The following ARHGEF18 variants were observed in gnomAD, a reference collection of about 807,000 sequenced individuals.
ARHGEF18 encodes rho guanine nucleotide exchange factor 18.
In ARHGEF18, 93 loss-of-function variants were observed where a neutral mutation model predicts 155.7. That is an observed-to-expected ratio of 0.60 (90% CI 0.50 to 0.71). The LOEUF (loss-of-function observed/expected upper bound fraction) is 0.71. Among genes scored for constraint, ARHGEF18 ranks in the 30% least tolerant of loss-of-function variants. The pLI is 0.00. For synonymous variants in ARHGEF18, 742 were observed against 753.1 expected (o/e 0.99, Z 0.24); for missense variants, 1,593 against 1,816.1 (o/e 0.88, Z 2.23).
In ARHGEF18 at chr19:7,468,875, C is replaced by T. The variant is rs1439871043; in HGVS notation, c.3531C>T (p.Gly1177=). 1 of 1,575,492 alleles carries T rather than the reference C, an allele frequency of 6.3e-7. No individual in the cohort carries two copies. The highest frequency in any genetic ancestry group is 8.6e-7 in the Non-Finnish European group (1 of 1,160,236). The change falls in exon 27 of 29, where the codon GGC becomes GGT. Residue 1177 remains glycine, a synonymous_variant. Coordinates refer to ENST00000668164, the MANE Select transcript of ARHGEF18 (RefSeq NM_001367823.1). Reference sequence around the variant, plus strand: ...GCTTCAACGGGGAAGGGCTGGAGGGCCCTCGTGTGAGCATGCTGCCATCCG... The same window carrying T: ...GCTTCAACGGGGAAGGGCTGGAGGGTCCTCGTGTGAGCATGCTGCCATCCG... The part of the protein sequence containing the change: ...PPSFNGEGLE[G]PRVSMLPSGV...
At chr19:7,458,881 G>A (rs1202555535) in intron 19 of ARHGEF18, among the ~76,000 whole-genome samples, 191 bp downstream of exon 19, 1 of 152,212 alleles carries the variant, frequency 6.6e-6, no homozygotes, top group African/African-American at 2.4e-5. Flanking sequence ...CAGAAAGGCA[G>A]CTGTAACCTG....
At chr19:7,420,224 G>A (rs1336851780) in intron 10 of ARHGEF18, among the ~76,000 whole-genome samples, 1 of 152,110 alleles carries the variant, frequency 6.6e-6, no homozygotes, top group African/African-American at 2.4e-5. Flanking sequence ...AAGTACAGGT[G>A]GGACTGGGGC....
rs1190849699 is a variant in ARHGEF18, at chr19:7,395,980, C to T, written c.967+12777C>T. 2.6e-5 allele frequency among the ~76,000 whole-genome samples: 4 copies of T among 152,088 alleles called. No individual in the cohort carries two copies. The highest frequency in any genetic ancestry group is 9.7e-5 in the African/African-American group (4 of 41,424). ...GAGCATAGTACTCAATAGATAGTTT[C>T]AACCCTTGACCTCCTCCTTCCCTTC... On this transcript the variant is annotated intron_variant, in intron 10 of 28. Coordinates refer to ENST00000668164, the MANE Select transcript of ARHGEF18 (RefSeq NM_001367823.1). The surrounding 1 kb of genome is among the most constrained non-coding windows in gnomAD (Gnocchi z 5.0).
chr19:7,363,370 T>C (rs112713342), intron 2 of ARHGEF18, among the ~76,000 whole-genome samples: 1,598 of 151,182 alleles, frequency 0.011, 15 homozygotes, highest in Non-Finnish European at 0.016. Flanking sequence ...GAAAGCTAGA[T>C]GGATAGATGG....
chr19:7,434,302 G>A (rs532315648), intron 10 of ARHGEF18, among the ~76,000 whole-genome samples: 17 of 152,164 alleles, frequency 1.1e-4, no homozygotes, highest in Non-Finnish European at 2.5e-4. Context: ...GACTACTCTT[G>A]AATTCATGAA....
At chr19:7,453,762 A>G in intron 17 of ARHGEF18, 47 bp downstream of exon 17, 1 of 1,505,996 alleles carries the variant, frequency 6.6e-7, no homozygotes. Flanking sequence ...ATCTTGGATC[A>G]GTGGGCACTG....
At chr19:7,426,465 C>A (rs1200893629) in intron 10 of ARHGEF18, among the ~76,000 whole-genome samples, 1 of 136,884 alleles carries the variant, frequency 7.3e-6, no homozygotes, top group African/African-American at 2.8e-5. Context: ...CCAGCCTGGG[C>A]GACAAAGTGA....
At position 7,467,066 on chromosome 19, in the gene ARHGEF18, C is replaced by T. The variant is rs1243753122; in HGVS notation, c.2962-5C>T. Reference sequence around the variant, plus strand: ...CTAGCATCAATCTCCCTCTCCTCTCCGCAGCTTGTCCAGCGGATCCAGACA... The same window carrying T: ...CTAGCATCAATCTCCCTCTCCTCTCTGCAGCTTGTCCAGCGGATCCAGACA... On this transcript the variant is annotated splice_polypyrimidine_tract_variant and splice_region_variant and intron_variant, in intron 24 of 28. Transcript: ENST00000668164. 1.9e-6 allele frequency: 3 copies of T among 1,609,216 alleles called. No individual in the cohort carries two copies. Among genetic ancestry groups the T allele is most frequent in the African/African-American group, 2.7e-5 (2 of 74,866 alleles).
chr19:7,375,978 C>G, intron 4 of ARHGEF18, 108 bp downstream of exon 4: 1 of 1,182,134 alleles, frequency 8.5e-7, no homozygotes, highest in Non-Finnish European at 1.1e-6. Context: ...GCTTACCCAC[C>G]ATGGCAGGGT....
At chr19:7,374,867 G>A (rs573437336) in intron 3 of ARHGEF18, among the ~76,000 whole-genome samples, 5 of 152,258 alleles carry the variant, frequency 3.3e-5, no homozygotes, top group East Asian at 3.9e-4. Context: ...TGATCAGAAC[G>A]GAAATGTGTG....
intron 2 of ARHGEF18, among the ~76,000 whole-genome samples, chr19:7,367,975 G>A (rs1221611780): frequency 6.0e-5 from 1 of 16,554 alleles, no homozygotes; most frequent in Non-Finnish European, 1.6e-4. Flanking sequence ...AGAAAGGAAA[G>A]AAAGAGAGAG....
At chr19:7,422,141 G>T (rs115590154) in intron 10 of ARHGEF18, among the ~76,000 whole-genome samples, 1 of 151,990 alleles carries the variant, frequency 6.6e-6, no homozygotes, top group East Asian at 1.9e-4. Flanking sequence ...CTCTGTCCCC[G>T]TCTAATCATT....
intron 10 of ARHGEF18, among the ~76,000 whole-genome samples, chr19:7,433,068 G>A (rs971028770): frequency 2.6e-5 from 4 of 152,126 alleles, no homozygotes; most frequent in African/African-American, 9.7e-5. Context: ...GGCTGAGGCT[G>A]GAGGATCCCT....
intron 10 of ARHGEF18, among the ~76,000 whole-genome samples, chr19:7,420,128 A>G (rs1176490776): frequency 6.6e-6 from 1 of 152,176 alleles, no homozygotes; most frequent in East Asian, 1.9e-4. Flanking sequence ...AGCTCTCTCT[A>G]TATATTTTAG....
At chr19:7,478,208 A>T in the ARHGEF18 span, 1 of 1,240,598 alleles carries the variant, frequency 8.1e-7, no homozygotes, top group Non-Finnish European at 1.1e-6. Flanking sequence ...CCATGACCTG[A>T]GCACAACAGT....
chr19:7,359,352 T>C (rs1294239609), intron 1 of ARHGEF18, among the ~76,000 whole-genome samples: 2 of 152,156 alleles, frequency 1.3e-5, no homozygotes, highest in Non-Finnish European at 2.9e-5. Context: ...GGTTGGTAAT[T>C]GACAGAGCTC....
intron 10 of ARHGEF18, among the ~76,000 whole-genome samples, chr19:7,419,221 C>G (rs1973197999): frequency 6.7e-6 from 1 of 148,702 alleles, no homozygotes; most frequent in Non-Finnish European, 1.5e-5. Flanking sequence ...TGTACCCACA[C>G]TCGGCCTCTG....
Position 7,444,672 on chromosome 19 carries a change from G to A in ARHGEF18, c.1611+218G>A, listed in dbSNP as rs1235360445. On this transcript the variant is annotated intron_variant, in intron 14 of 28. Coordinates refer to ENST00000668164, the MANE Select transcript of ARHGEF18 (RefSeq NM_001367823.1). The surrounding 1 kb of genome is among the most constrained non-coding windows in gnomAD (Gnocchi z 4.7). ...ACTACAGCTATGCGCCACCATACCCGGCTAAATTTTATTTTTTGTAGAGAT... is the reference window on the plus strand; with the variant it reads ...ACTACAGCTATGCGCCACCATACCCAGCTAAATTTTATTTTTTGTAGAGAT... 3.3e-5 allele frequency among the ~76,000 whole-genome samples: 5 copies of A among 152,006 alleles called. No homozygotes were observed. The highest frequency in any genetic ancestry group is 5.9e-5 in the Non-Finnish European group (4 of 68,010).
rs988285954 is a variant in ARHGEF18 at position 7,471,596 on chromosome 19, G to A, written c.*1298G>A. Reference sequence around the variant, plus strand: ...GTCCTGGGAACTGCAGATCCCGGGGGGATTCAGCCCTTCTCCCACTGTGCT... The same window carrying A: ...GTCCTGGGAACTGCAGATCCCGGGGAGATTCAGCCCTTCTCCCACTGTGCT... On this transcript the variant is annotated 3_prime_UTR_variant, in exon 29 of 29. Transcript: ENST00000668164. The surrounding 1 kb of genome is among the most constrained non-coding windows in gnomAD (Gnocchi z 4.4). 2 of 152,304 alleles carry A rather than the reference G, an allele frequency of 1.3e-5. No individual in the cohort carries two copies. Among genetic ancestry groups the A allele is most frequent in the Non-Finnish European group, 2.9e-5 (2 of 68,108 alleles). 9.4% of individuals were successfully genotyped at this position (152,304 alleles called of 1,614,324 possible).
Sources: allele counts gnomAD v4.1 joint callset (sites outside exome capture counted in the v4.1 genomes callset), GRCh38; gene constraint gnomAD v4.1.1; non-coding constraint Gnocchi (gnomAD v3.1); transcripts MANE v1.5; gene names NCBI Gene and HGNC (gene_info 2026-07-23, HGNC 2026-07-21).